The following NRXN3 variants were observed in gnomAD, a reference collection of about 807,000 sequenced individuals.
NRXN3 encodes the protein neurexin III.
Under a neutral mutation model 137.6 loss-of-function variants are expected in NRXN3, and 32 were observed. That is an observed-to-expected ratio of 0.23 (90% CI 0.18 to 0.31). NRXN3 has a LOEUF of 0.31. Ranked by LOEUF, NRXN3 falls within the 10% of genes least tolerant of loss-of-function variation. NRXN3 has a pLI of 1.00. For synonymous variants in NRXN3, 798 were observed against 784.5 expected (o/e 1.02, Z -0.29); for missense variants, 1,574 against 2,062.5 (o/e 0.76, Z 4.59).
At chr14:78,763,980 G>C (rs1250147937) in intron 8 of NRXN3, among the ~76,000 whole-genome samples, 1 of 152,184 alleles carries the variant, frequency 6.6e-6, no homozygotes, top group African/African-American at 2.4e-5. Flanking sequence ...TGTGACACTA[G>C]GTGATGAGCA....
intron 15 of NRXN3, among the ~76,000 whole-genome samples, chr14:79,108,504 G>T (rs2052878506): frequency 6.6e-6 from 1 of 152,100 alleles, no homozygotes; most frequent in Non-Finnish European, 1.5e-5. Flanking sequence ...AAACTTAAAT[G>T]TTATGTAATA....
chr14:79,209,005 C>T (rs2067225670), intron 15 of NRXN3, among the ~76,000 whole-genome samples: 1 of 152,128 alleles, frequency 6.6e-6, no homozygotes, highest in African/African-American at 2.4e-5. Flanking sequence ...GTGGTGTGAT[C>T]TTGCCTCACT....
intron 15 of NRXN3, among the ~76,000 whole-genome samples, chr14:79,321,395 C>T (rs894793129): frequency 6.6e-6 from 1 of 152,108 alleles, no homozygotes; most frequent in African/African-American, 2.4e-5. Flanking sequence ...AACCATTTCC[C>T]CTACTGGATG....
At chr14:78,716,718 C>A (rs1378389215) in intron 8 of NRXN3, among the ~76,000 whole-genome samples, 1 of 152,152 alleles carries the variant, frequency 6.6e-6, no homozygotes, top group African/African-American at 2.4e-5. Flanking sequence ...GTGGGGCCAA[C>A]TGTGTTACTA....
chr14:78,371,454 G>A (rs999106303), intron 4 of NRXN3, among the ~76,000 whole-genome samples: 2 of 152,142 alleles, frequency 1.3e-5, no homozygotes, highest in Non-Finnish European at 2.9e-5. Context: ...CTTTGAGACC[G>A]TTTGTGTGAC....
In NRXN3 at chr14:79,864,973, G is replaced by C. The variant is rs150043820; in HGVS notation, c.*3009G>C. On this transcript the variant is annotated 3_prime_UTR_variant, in exon 21 of 21. Transcript: ENST00000335750. ...TCACCGTGTTAGCCGGGATGGTCTC[G>C]ATCTCCTGACCTCGTAATCCACCCG... 3.9e-5 allele frequency: 6 copies of C among 151,970 alleles called. No individual in the cohort carries two copies. The highest frequency in any genetic ancestry group is 1.9e-4 in the East Asian group (1 of 5,176). The allele number at this position is 151,970 out of a possible 1,614,324, so 9.4% of individuals were successfully genotyped here.
intron 15 of NRXN3, among the ~76,000 whole-genome samples, chr14:79,024,255 A>G (rs2099594617): frequency 6.6e-6 from 1 of 152,194 alleles, no homozygotes; most frequent in South Asian, 2.1e-4. Context: ...AATGGGAAGC[A>G]TCTTCCTTTT....
At chr14:78,520,996 A>G (rs2096276297) in intron 4 of NRXN3, among the ~76,000 whole-genome samples, 1 of 152,204 alleles carries the variant, frequency 6.6e-6, no homozygotes, top group Admixed American at 6.5e-5. Flanking sequence ...CTTCTGAATG[A>G]CATTGTTTTA....
intron 15 of NRXN3, among the ~76,000 whole-genome samples, chr14:79,281,502 A>G (rs2081268412): frequency 6.6e-6 from 1 of 152,150 alleles, no homozygotes; most frequent in Non-Finnish European, 1.5e-5. Context: ...TAATTTGTTT[A>G]CTATGCACTC....
At chr14:79,816,302 C>T (rs569795956) in intron 20 of NRXN3, among the ~76,000 whole-genome samples, 4 of 152,172 alleles carry the variant, frequency 2.6e-5, no homozygotes, top group Non-Finnish European at 4.4e-5. Flanking sequence ...ACTAAGTTAT[C>T]GAATTTTGAC....
intron 20 of NRXN3, among the ~76,000 whole-genome samples, chr14:79,850,985 A>G (rs2099390288): frequency 6.6e-6 from 1 of 152,184 alleles, no homozygotes; most frequent in Non-Finnish European, 1.5e-5. Context: ...CGTATATTCA[A>G]TTGTTCAAAC....
At chr14:79,199,163 TAAA>T (rs71131684) in intron 15 of NRXN3, among the ~76,000 whole-genome samples, 15 of 146,752 alleles carry the variant, frequency 1.0e-4, no homozygotes, top group Admixed American at 1.3e-4. Context: ...AGACTGCGTC[TAAA>T]AAAAAAAAAA....
At chr14:78,598,317 T>TGCCAA (rs768035913) in intron 4 of NRXN3, among the ~76,000 whole-genome samples, 18 of 151,924 alleles carry the variant, frequency 1.2e-4, no homozygotes, top group Non-Finnish European at 2.2e-4. Context: ...GGACACTGAC[T>TGCCAA]GCCAAGGGGG....
intron 16 of NRXN3, among the ~76,000 whole-genome samples, chr14:79,490,228 G>A (rs1480699587): frequency 1.2e-4 from 18 of 152,072 alleles, no homozygotes; most frequent in Admixed American, 1.2e-3. Flanking sequence ...ATGTAAATTA[G>A]TACAATCACT....
At chr14:78,485,228 T>G (rs1288833163) in intron 4 of NRXN3, among the ~76,000 whole-genome samples, 2 of 152,062 alleles carry the variant, frequency 1.3e-5, no homozygotes, top group Non-Finnish European at 2.9e-5. Context: ...AAAGAAGCAA[T>G]TGTGTGTCCC....
chr14:78,738,681 C>T (rs779996057), intron 8 of NRXN3, among the ~76,000 whole-genome samples: 15 of 152,158 alleles, frequency 9.9e-5, no homozygotes, highest in Non-Finnish European at 1.6e-4. Flanking sequence ...ATTCCCCACC[C>T]CATTCTTTTT....
chr14:79,174,412 T>C (rs1482433521), intron 15 of NRXN3, among the ~76,000 whole-genome samples: 1 of 151,914 alleles, frequency 6.6e-6, no homozygotes, highest in Non-Finnish European at 1.5e-5. Flanking sequence ...GTAACTCCTA[T>C]TGCCGTTTGA....
intron 15 of NRXN3, among the ~76,000 whole-genome samples, chr14:79,105,204 T>C (rs1316547859): frequency 1.3e-5 from 2 of 151,958 alleles, no homozygotes; most frequent in Non-Finnish European, 2.9e-5. Flanking sequence ...TCAGAAAAAA[T>C]AATCCACAGA....
Position 79,717,887 on chromosome 14 carries a change from C to T in NRXN3, c.4014+19950C>T, listed in dbSNP as rs115788339. 2.3e-3 allele frequency among the ~76,000 whole-genome samples: 344 copies of T among 152,262 alleles called. 1 individual carries two copies. The highest frequency in any genetic ancestry group is 8.0e-3 in the African/African-American group (334 of 41,564). ...TCCCTCAAGCACCCTAGTCTCTCAG[C>T]GCATTCATTCCACAAACATTTTTTT... On this transcript the variant is annotated intron_variant, in intron 19 of 20. Coordinates refer to ENST00000335750, the MANE Select transcript of NRXN3 (RefSeq NM_001330195.2).
Sources: gnomAD v4.1 joint callset for allele counts (sites outside exome capture counted in the v4.1 genomes callset) on GRCh38, gnomAD v4.1.1 for gene constraint, MANE v1.5 for transcripts, NCBI Gene and HGNC (gene_info 2026-07-23, HGNC 2026-07-21) for gene names.